Variants in JAKMIP2 observed in about 807,000 individuals in gnomAD.
The protein encoded by JAKMIP2 is janus kinase and microtubule interacting protein 2, also known as janus kinase and microtubule-interacting protein 2.
A neutral mutation model predicts 115.0 loss-of-function variants in JAKMIP2; 25 were observed. The ratio of observed to expected loss-of-function variants is 0.22; its 90% CI spans 0.16 to 0.30. The LOEUF (loss-of-function observed/expected upper bound fraction) is 0.30. Among genes scored for constraint, JAKMIP2 ranks in the 10% least tolerant of loss-of-function variants. The probability of loss-of-function intolerance (pLI) is 1.00; values close to 1 mark genes in which losing one functional copy is unlikely to be tolerated. For synonymous variants in JAKMIP2, 334 were observed against 343.6 expected (o/e 0.97, Z 0.31); for missense variants, 642 against 957.6 (o/e 0.67, Z 4.35).
At chr5:147,689,194 G>A (rs1192429804) in intron 1 of JAKMIP2, among the ~76,000 whole-genome samples, 1 of 152,140 alleles carries the variant, frequency 6.6e-6, no homozygotes, top group Admixed American at 6.5e-5. Flanking sequence ...GAGGCTGGAG[G>A]AATGAGTGAG....
chr5:147,683,704 G>A (rs999068128), intron 1 of JAKMIP2, among the ~76,000 whole-genome samples: 1 of 152,016 alleles, frequency 6.6e-6, no homozygotes, highest in Non-Finnish European at 1.5e-5. Context: ...TTTTTAAAAA[G>A]CTATCATAAA....
intron 1 of JAKMIP2, among the ~76,000 whole-genome samples, chr5:147,772,359 T>G (rs1561586918): frequency 6.6e-6 from 1 of 151,958 alleles, no homozygotes; most frequent in Non-Finnish European, 1.5e-5. Flanking sequence ...ATTTCCTGTA[T>G]TCATGATTTT....
At chr5:147,598,413 C>T (rs1184111366) in intron 21 of JAKMIP2, among the ~76,000 whole-genome samples, 4 of 137,014 alleles carry the variant, frequency 2.9e-5, no homozygotes, top group African/African-American at 5.4e-5. Flanking sequence ...TTAATAAAGC[C>T]GCTCTCATTT....
intron 1 of JAKMIP2, among the ~76,000 whole-genome samples, chr5:147,730,641 A>G (rs1365267103): frequency 6.6e-6 from 1 of 151,940 alleles, no homozygotes; most frequent in African/African-American, 2.4e-5. Context: ...TTTTTAGTAG[A>G]GACAGGGTTT....
At position 147,619,051 on chromosome 5, in the gene JAKMIP2, T is replaced by A. The variant is rs555814509; in HGVS notation, c.2143-937A>T. On this transcript the variant is annotated intron_variant, in intron 18 of 21. Coordinates refer to ENST00000616793, the MANE Select transcript of JAKMIP2 (RefSeq NM_001270941.2). ...ATAATATTTCTCTGAGTCTTTCTTT[T>A]GTAGATGAAGGATGCACTGCCTTCA... Among the ~76,000 whole-genome samples the A allele has an allele frequency of 2.0e-5, 3 of 152,344 alleles. No individual in the cohort carries two copies. In the East Asian group the frequency reaches 5.8e-4, roughly 29 times the overall value.
In JAKMIP2 at chr5:147,724,408, C is replaced by T. The variant is rs188695213; in HGVS notation, c.-148-52454G>A. On this transcript the variant is annotated intron_variant, in intron 1 of 21. Transcript: ENST00000616793. ...GGTGTTATATAGAAATATCTTCTTA[C>T]GTCTTTCTTGCTCTTCTTCAATAAC... 1.4e-4 allele frequency among the ~76,000 whole-genome samples: 22 copies of T among 152,262 alleles called. No homozygotes were observed. The South Asian group carries it at 2.9e-3, about 20-fold the overall frequency.
intron 1 of JAKMIP2, among the ~76,000 whole-genome samples, chr5:147,734,337 T>C (rs1011464946): frequency 6.6e-6 from 1 of 151,934 alleles, no homozygotes; most frequent in Admixed American, 6.6e-5. Flanking sequence ...AAATAATGAG[T>C]TCATGTCCTT....
chr5:147,775,849 G>A (rs1040964428), intron 1 of JAKMIP2, among the ~76,000 whole-genome samples: 12 of 152,136 alleles, frequency 7.9e-5, no homozygotes, highest in African/African-American at 2.7e-4. Context: ...CAAGGCATTC[G>A]TTACAATTGG....
At chr5:147,620,035 T>C (rs1478439774) in intron 18 of JAKMIP2, among the ~76,000 whole-genome samples, 1 of 152,206 alleles carries the variant, frequency 6.6e-6, no homozygotes, top group Non-Finnish European at 1.5e-5. Context: ...CTCTTTAATC[T>C]ACACTGCCAT....
At chr5:147,600,178 C>G (rs1347021789) in intron 21 of JAKMIP2, among the ~76,000 whole-genome samples, 1 of 148,584 alleles carries the variant, frequency 6.7e-6, no homozygotes, top group African/African-American at 2.5e-5. Flanking sequence ...GAATCTCCCT[C>G]CACTTCAATT....
intron 1 of JAKMIP2, among the ~76,000 whole-genome samples, chr5:147,758,048 TA>T (rs748412823): frequency 1.6e-4 from 25 of 152,132 alleles, no homozygotes; most frequent in Non-Finnish European, 2.9e-4. Flanking sequence ...ATTTGTCTAT[TA>T]AAAGTTTATT....
In JAKMIP2 at chr5:147,639,775, A is replaced by C. The variant is rs773138832; in HGVS notation, c.1402-15T>G. On this transcript the variant is annotated splice_polypyrimidine_tract_variant and intron_variant, in intron 9 of 21. Transcript: ENST00000616793. ...GCTGCTAAACTCTTGAGGTTAAGAA[A>C]AAAAGCCCCAAAACAATTGTGTTAT... is the stretch of plus-strand genomic sequence containing the variant. The C allele has an allele frequency of 4.4e-6, 7 of 1,609,014 alleles. No homozygotes were observed. The highest frequency in any genetic ancestry group is 1.1e-5 in the South Asian group (1 of 90,160).
intron 3 of JAKMIP2, among the ~76,000 whole-genome samples, chr5:147,656,513 C>CT (rs1581364745): frequency 1.3e-5 from 2 of 151,990 alleles, no homozygotes; most frequent in South Asian, 2.1e-4. Context: ...GCAACCTCTG[C>CT]TTTTTTTTGC....
intron 2 of JAKMIP2, among the ~76,000 whole-genome samples, chr5:147,664,745 T>A (rs1430140334): frequency 6.6e-6 from 1 of 152,182 alleles, no homozygotes; most frequent in African/African-American, 2.4e-5. Flanking sequence ...TACCGCAGGC[T>A]GGTAACTTTT....
chr5:147,673,764 A>G (rs1326945906), intron 1 of JAKMIP2, among the ~76,000 whole-genome samples: 1 of 152,216 alleles, frequency 6.6e-6, no homozygotes, highest in Non-Finnish European at 1.5e-5. Flanking sequence ...ACCAATAGGC[A>G]AAAGGATAAA....
rs79287763 is a variant in JAKMIP2 at position 147,599,712 on chromosome 5, T to C, written c.*20+2029A>G. Among the ~76,000 whole-genome samples, 958 of 152,280 alleles carry C rather than the reference T, an allele frequency of 6.3e-3. 52 individuals carry two copies. In the East Asian group the frequency reaches 0.13, roughly 21 times the overall value. On this transcript the variant is annotated intron_variant, in intron 21 of 21. Coordinates refer to ENST00000616793, the MANE Select transcript of JAKMIP2 (RefSeq NM_001270941.2). ...GGATACATATGAACGCCAATGTTGC[T>C]TGAAACATGGGAGAAAGGCCCTTTT...
At chr5:147,738,796 G>T (rs1018921881) in intron 1 of JAKMIP2, among the ~76,000 whole-genome samples, 5 of 152,090 alleles carry the variant, frequency 3.3e-5, no homozygotes, top group African/African-American at 9.7e-5. Flanking sequence ...GAGTGATAAA[G>T]GTGGCAGCTA....
intron 7 of JAKMIP2, among the ~76,000 whole-genome samples, chr5:147,643,409 G>A (rs566303594): frequency 2.0e-5 from 3 of 152,100 alleles, no homozygotes; most frequent in African/African-American, 7.2e-5. Flanking sequence ...AGCAACCAAC[G>A]ATGTCATTCA....
chr5:147,671,659 T>C lies in JAKMIP2; in HGVS notation c.129+19A>G. On this transcript the variant is annotated intron_variant, in intron 2 of 21. Transcript: ENST00000616793. ...CAGAGCTGCTCTTAATGCCACGACC[T>C]CAGGTAGCCCTCGCTCACCTTGGAC... The C allele has an allele frequency of 7.2e-7, 1 of 1,383,142 alleles. No homozygotes were observed. The highest frequency in any genetic ancestry group is 9.5e-7 in the Non-Finnish European group (1 of 1,057,374). The allele number at this position is 1,383,142 out of a possible 1,614,324, so 85.7% of individuals were successfully genotyped here. A position where few individuals can be genotyped will look rare whatever the true frequency, so the allele number is the denominator to read the frequency against.
Sources: gnomAD v4.1 joint callset for allele counts (sites outside exome capture counted in the v4.1 genomes callset) on GRCh38, gnomAD v4.1.1 for gene constraint, MANE v1.5 for transcripts, NCBI Gene and HGNC (gene_info 2026-07-23, HGNC 2026-07-21) for gene names.